ARHGAP15: variants seen among roughly 807,000 people sequenced by gnomAD.
ARHGAP15 encodes the protein rho GTPase-activating protein 15.
Under a neutral mutation model 63.7 loss-of-function variants are expected in ARHGAP15, and 51 were observed. The observed-to-expected ratio is 0.80, with a 90% CI of 0.64 to 1.01. ARHGAP15 has a LOEUF of 1.01. Ranked by LOEUF, ARHGAP15 falls within the 50% of genes least tolerant of loss-of-function variation. ARHGAP15 has a pLI of 0.00. For missense variants in ARHGAP15, 560 were observed against 564.6 expected, an observed-to-expected ratio of 0.99 and a Z score of 0.08; for synonymous variants, 191 against 193.8, an observed-to-expected ratio of 0.99 and a Z score of 0.12.
At chr2:143,207,534 G>A (rs1692383289) in intron 3 of ARHGAP15, among the ~76,000 whole-genome samples, 1 of 150,304 alleles carries the variant, frequency 6.7e-6, no homozygotes, top group East Asian at 2.0e-4. Context: ...AGTGCCATGA[G>A]TTCTAAAAAC....
In ARHGAP15 at chr2:143,155,463, T is replaced by G; in HGVS notation, c.-14-14T>G. On this transcript the variant is annotated splice_polypyrimidine_tract_variant and intron_variant, in intron 1 of 13. Transcript: ENST00000295095. ...TATGTTTAGAATAACATAATACATT[T>G]TATATTTTATCAGGATAGCACTATA... The G allele has an allele frequency of 6.4e-7, 1 of 1,562,440 alleles. No homozygotes were observed.
chr2:143,768,114 A>G lies in ARHGAP15; in HGVS notation c.1370A>G (p.Gln457Arg). The G allele has an allele frequency of 1.2e-6, 2 of 1,613,896 alleles. No individual in the cohort carries two copies. The highest frequency in any genetic ancestry group is 1.7e-6 in the Non-Finnish European group (2 of 1,179,810). The change falls in exon 14 of 14, where the codon CAG becomes CGG. Residue 457 changes from glutamine (Q) to arginine (R), a missense_variant. Coordinates refer to ENST00000295095, the MANE Select transcript of ARHGAP15 (RefSeq NM_018460.4). ...GCGATCCACATGGTCTACCAGAACC[A>G]GATAGCTGAGCTCATGCTGAGTGAG... Reference protein sequence around the residue: ...NMAIHMVYQNQIAELMLSEYS... With the variant: ...NMAIHMVYQNRIAELMLSEYS...
At chr2:143,287,782 GA>G (rs898574975) in intron 6 of ARHGAP15, among the ~76,000 whole-genome samples, 23 of 151,974 alleles carry the variant, frequency 1.5e-4, no homozygotes, top group Admixed American at 2.6e-4. Flanking sequence ...CAGCCTGGGG[GA>G]CAATAGCAAG....
intron 6 of ARHGAP15, among the ~76,000 whole-genome samples, chr2:143,361,476 A>G (rs762921943): frequency 3.9e-5 from 6 of 152,184 alleles, no homozygotes; most frequent in Non-Finnish European, 7.4e-5. Flanking sequence ...CATCTCTTGG[A>G]TGAAGCATAA....
At chr2:143,690,096 A>T (rs1268347657) in intron 12 of ARHGAP15, among the ~76,000 whole-genome samples, 1 of 152,220 alleles carries the variant, frequency 6.6e-6, no homozygotes, top group Non-Finnish European at 1.5e-5. Flanking sequence ...ACACTTGAAG[A>T]AATATAAGGA....
chr2:143,219,728 G>A (rs1372300081), intron 4 of ARHGAP15, among the ~76,000 whole-genome samples: 5 of 152,174 alleles, frequency 3.3e-5, no homozygotes, highest in East Asian at 1.9e-4. Context: ...TTATCAGCAC[G>A]TAGCATCATC....
chr2:143,641,792 T>C lies in ARHGAP15; in HGVS notation c.1138+17525T>C, dbSNP rs568225830. On this transcript the variant is annotated intron_variant, in intron 12 of 13. Coordinates refer to ENST00000295095, the MANE Select transcript of ARHGAP15 (RefSeq NM_018460.4). Reference sequence around the variant, plus strand: ...TCTTAGAAAATTTGTAGAAGGACTTTTGGCTATATTTAGCAAAAGCCTTTA... The same window carrying C: ...TCTTAGAAAATTTGTAGAAGGACTTCTGGCTATATTTAGCAAAAGCCTTTA... Among the ~76,000 whole-genome samples, 11 of 152,250 alleles carry C rather than the reference T, an allele frequency of 7.2e-5. No individual in the cohort carries two copies. In the South Asian group the frequency reaches 2.3e-3, roughly 32 times the overall value.
chr2:143,584,060 A>G (rs908128363), intron 11 of ARHGAP15, among the ~76,000 whole-genome samples: 2 of 152,198 alleles, frequency 1.3e-5, no homozygotes, highest in Non-Finnish European at 2.9e-5. Context: ...GCCACCCAAG[A>G]GTAACCATTC....
At chr2:143,344,859 A>C (rs1685202383) in intron 6 of ARHGAP15, among the ~76,000 whole-genome samples, 1 of 152,132 alleles carries the variant, frequency 6.6e-6, no homozygotes, top group Admixed American at 6.6e-5. Flanking sequence ...AAGGAATATC[A>C]CATAGTCAAA....
rs1558898102 is a variant in ARHGAP15 at position 143,330,133 on chromosome 2, C to CAAAAAAAAAAAAAAAAAAAAAAAAAA, written c.474+79538_474+79539insAAAAAAAAAAAAAAAAAAAAAAAAAA. Among the ~76,000 whole-genome samples, 65 of 37,362 alleles carry CAAAAAAAAAAAAAAAAAAAAAAAAAA rather than the reference C, an allele frequency of 1.7e-3. 14 individuals carry two copies. Among genetic ancestry groups the CAAAAAAAAAAAAAAAAAAAAAAAAAA allele is most frequent in the Middle Eastern group, 0.029 (1 of 34 alleles). 24.5% of individuals were successfully genotyped at this position (37,362 alleles called of 152,430 possible). On this transcript the variant is annotated intron_variant, in intron 6 of 13. Transcript: ENST00000295095. The stretch of plus-strand genomic sequence containing the variant: ...AAAAAAAAAAAAAAAAAAAAAAAAC[C>CAAAAAAAAAAAAAAAAAAAAAAAAAA]AAAAACAAAAAACTAAACTAATGAT...
chr2:143,521,233 A>T (rs1694051950), intron 10 of ARHGAP15, among the ~76,000 whole-genome samples: 1 of 152,232 alleles, frequency 6.6e-6, no homozygotes, highest in Non-Finnish European at 1.5e-5. Flanking sequence ...GATAATTCAA[A>T]GCACTTTGGC....
chr2:143,228,038 G>A (rs1170361373), intron 4 of ARHGAP15: 1 of 152,040 alleles, frequency 6.6e-6, no homozygotes, highest in Non-Finnish European at 1.5e-5. Context: ...TTTATTCCTT[G>A]ACAATTTGAT....
chr2:143,648,250 C>T (rs1446617126), intron 12 of ARHGAP15, among the ~76,000 whole-genome samples: 7 of 152,014 alleles, frequency 4.6e-5, no homozygotes, highest in African/African-American at 7.2e-5. Context: ...AGTTACTGTG[C>T]GGCCACCACT....
chr2:143,524,180 T>C (rs991151079), intron 10 of ARHGAP15, among the ~76,000 whole-genome samples: 68 of 150,644 alleles, frequency 4.5e-4, no homozygotes, highest in African/African-American at 1.6e-3. Flanking sequence ...TCAAAAACTT[T>C]ATCTCTCAAC....
chr2:143,745,035 T>G (rs919381885), intron 13 of ARHGAP15, among the ~76,000 whole-genome samples: 1 of 152,224 alleles, frequency 6.6e-6, no homozygotes, highest in African/African-American at 2.4e-5. Flanking sequence ...AATATATTCC[T>G]AAAGTCACTG....
chr2:143,389,172 T>C (rs1309029849), intron 6 of ARHGAP15, among the ~76,000 whole-genome samples: 1 of 151,486 alleles, frequency 6.6e-6, no homozygotes, highest in African/African-American at 2.4e-5. Context: ...GTATTTAGTA[T>C]GTGTTTTTGA....
intron 10 of ARHGAP15, among the ~76,000 whole-genome samples, chr2:143,527,210 A>G (rs1362497320): frequency 6.6e-6 from 1 of 152,088 alleles, no homozygotes; most frequent in African/African-American, 2.4e-5. Context: ...TAAAAGAGAC[A>G]TACAGATTCC....
At chr2:143,504,620 A>C (rs1365545990) in intron 9 of ARHGAP15, among the ~76,000 whole-genome samples, 2 of 152,214 alleles carry the variant, frequency 1.3e-5, no homozygotes, top group Non-Finnish European at 2.9e-5. Flanking sequence ...TAATCACAAC[A>C]CAGCCTTTCT....
intron 6 of ARHGAP15, among the ~76,000 whole-genome samples, chr2:143,291,788 T>G (rs774881338): frequency 1.5e-4 from 23 of 152,042 alleles, no homozygotes; most frequent in Non-Finnish European, 1.2e-4. Context: ...ATCTACCCAT[T>G]TTATCATTGC....
Sources: allele counts gnomAD v4.1 joint callset (sites outside exome capture counted in the v4.1 genomes callset), GRCh38; gene constraint gnomAD v4.1.1; transcripts MANE v1.5; gene names NCBI Gene and HGNC (gene_info 2026-07-23, HGNC 2026-07-21).